The following ATP8B1 variants were observed in gnomAD, a reference collection of about 807,000 sequenced individuals.
ATP8B1 encodes the protein ATPase phospholipid transporting 8B1.
Under a neutral mutation model 149.9 loss-of-function variants are expected in ATP8B1, and 80 were observed. That is an observed-to-expected ratio of 0.53 (90% confidence interval 0.45 to 0.64). The LOEUF (loss-of-function observed/expected upper bound fraction) is 0.64, where lower values mean the gene tolerates loss of function less well. ATP8B1 is among the 30% of genes least tolerant of loss of function. ATP8B1 has a pLI of 0.00. For missense variants in ATP8B1, 1,247 were observed against 1,552.6 expected (o/e 0.80, Z 3.31); for synonymous variants, 536 against 562.8 (o/e 0.95, Z 0.67).
At chr18:57,695,710 T>A (rs1196040428) in intron 8 of ATP8B1, among the ~76,000 whole-genome samples, 178 bp from the exon 9 acceptor site, 1 of 152,192 alleles carries the variant, frequency 6.6e-6, no homozygotes, top group Non-Finnish European at 1.5e-5. Flanking sequence ...TCCCCTGAAG[T>A]CGAGAAAATT....
At position 57,648,430 on chromosome 18, in the gene ATP8B1, G is replaced by T. The variant is rs1444335265; in HGVS notation, c.*58C>A. 1.9e-6 allele frequency: 3 copies of T among 1,562,270 alleles called. No individual in the cohort carries two copies. Among genetic ancestry groups the T allele is most frequent in the Non-Finnish European group, 1.8e-6 (2 of 1,136,246 alleles). ...CACACACACACACAAAGTCCTGAGAGTCTTTCATAAAAAAATAGACGTGCT... is the reference window on the plus strand; with the variant it reads ...CACACACACACACAAAGTCCTGAGATTCTTTCATAAAAAAATAGACGTGCT... On this transcript the variant is annotated 3_prime_UTR_variant, in exon 28 of 28. Coordinates refer to ENST00000648908, the MANE Select transcript of ATP8B1 (RefSeq NM_001374385.1).
Position 57,691,813 on chromosome 18 carries a change from TAG to T in ATP8B1, c.1212_1213del (p.Tyr405CysfsTer24). ...CCAGAGAGGACAGCCTTACCTGACA[TAG>T]AGAGAGATGGGTACCATGGTGTTGA... On this transcript the variant is annotated frameshift_variant, in exon 12 of 28. Transcript: ENST00000648908. LOFTEE classifies it high-confidence loss of function. 6.2e-7 allele frequency: 1 copy of T among 1,614,012 alleles called. No homozygotes were observed. Among genetic ancestry groups the T allele is most frequent in the Non-Finnish European group, 8.5e-7 (1 of 1,179,972 alleles).
chr18:57,786,422 G>A (rs546263517), intron 1 of ATP8B1, among the ~76,000 whole-genome samples: 6 of 152,278 alleles, frequency 3.9e-5, no homozygotes, highest in Non-Finnish European at 7.3e-5. Flanking sequence ...AGTTTTATTA[G>A]GACACTGATT....
intron 1 of ATP8B1, among the ~76,000 whole-genome samples, chr18:57,794,202 T>A (rs911848290): frequency 2.6e-5 from 4 of 152,158 alleles, no homozygotes; most frequent in Non-Finnish European, 4.4e-5. Flanking sequence ...AACACGTAAA[T>A]CCTTATTTGG....
chr18:57,689,581 G>A lies in ATP8B1; in HGVS notation c.1221-1074C>T, dbSNP rs912925221. Among the ~76,000 whole-genome samples the A allele has an allele frequency of 7.2e-5, 11 of 152,130 alleles. No individual in the cohort carries two copies. The South Asian group carries it at 1.2e-3, about 17-fold the overall frequency. On this transcript the variant is annotated intron_variant, in intron 12 of 27. Coordinates refer to ENST00000648908, the MANE Select transcript of ATP8B1 (RefSeq NM_001374385.1). ...TAAGTATTTCCTAAGTGCCTACTAT[G>A]TACCAGATACCATTCTAGGTGCAGG...
intron 1 of ATP8B1, among the ~76,000 whole-genome samples, chr18:57,767,470 A>G (rs1278516440): frequency 2.0e-5 from 3 of 152,114 alleles, no homozygotes; most frequent in Admixed American, 1.3e-4. Flanking sequence ...TTCAACAGCC[A>G]CCTGTGACTA....
At chr18:57,757,489 G>A (rs1263386167) in intron 1 of ATP8B1, among the ~76,000 whole-genome samples, 2 of 151,908 alleles carry the variant, frequency 1.3e-5, no homozygotes, top group African/African-American at 4.8e-5. Flanking sequence ...GATGGATAGA[G>A]CTAAGTAAAA....
Position 57,648,730 on chromosome 18 carries a change from G to A in ATP8B1, c.3532-18C>T. 1 of 1,548,276 alleles carries A rather than the reference G, an allele frequency of 6.5e-7. No homozygotes were observed. The highest frequency in any genetic ancestry group is 8.7e-7 in the Non-Finnish European group (1 of 1,146,086). On this transcript the variant is annotated intron_variant, in intron 27 of 27. Coordinates refer to ENST00000648908, the MANE Select transcript of ATP8B1 (RefSeq NM_001374385.1). ...TTCTGGATCTGCAAGGGGGAGAGAT[G>A]GGGAGGGATGAAAATAAGATCCACA...
intron 1 of ATP8B1, among the ~76,000 whole-genome samples, chr18:57,732,889 G>A (rs1205087542): frequency 6.6e-6 from 1 of 152,130 alleles, no homozygotes; most frequent in African/African-American, 2.4e-5. Context: ...TGCTGGCAAA[G>A]TTGACAAACC....
chr18:57,770,532 G>A (rs2080255264), intron 1 of ATP8B1, among the ~76,000 whole-genome samples: 1 of 152,168 alleles, frequency 6.6e-6, no homozygotes, highest in African/African-American at 2.4e-5. Context: ...CCTGCCTCCA[G>A]CCGGCCCACC....
At chr18:57,676,510 G>C (rs1372387446) in intron 15 of ATP8B1, among the ~76,000 whole-genome samples, 1 of 151,746 alleles carries the variant, frequency 6.6e-6, no homozygotes, top group Non-Finnish European at 1.5e-5. Flanking sequence ...ATGAGGTCAG[G>C]AGATGGAGAC....
chr18:57,802,191 G>T lies in ATP8B1; in HGVS notation c.-26+807C>A, dbSNP rs1168180075. ...GGAGTTGGAGAAGTGGGGGCGAGGG[G>T]TGTTAAAGCACTGGGCCATTCTCTG... On this transcript the variant is annotated intron_variant, in intron 1 of 27. Transcript: ENST00000648908. The surrounding 1 kb of genome is among the most constrained non-coding windows in gnomAD (Gnocchi z 4.9). 1.3e-5 allele frequency among the ~76,000 whole-genome samples: 2 copies of T among 152,078 alleles called. No individual in the cohort carries two copies. The highest frequency in any genetic ancestry group is 4.8e-5 in the African/African-American group (2 of 41,402).
At chr18:57,778,326 C>T (rs2080327364) in intron 1 of ATP8B1, among the ~76,000 whole-genome samples, 1 of 150,956 alleles carries the variant, frequency 6.6e-6, no homozygotes, top group South Asian at 2.1e-4. Flanking sequence ...TCCAGGTTCA[C>T]GCCATTCTCC....
At chr18:57,742,161 C>T (rs1031076786) in intron 1 of ATP8B1, among the ~76,000 whole-genome samples, 27 of 152,170 alleles carry the variant, frequency 1.8e-4, no homozygotes, top group Admixed American at 5.2e-4. Flanking sequence ...TGAGCCACCA[C>T]GCCTGGCCAA....
chr18:57,794,469 A>G (rs1454860148), intron 1 of ATP8B1, among the ~76,000 whole-genome samples: 2 of 150,640 alleles, frequency 1.3e-5, no homozygotes, highest in Admixed American at 1.3e-4. Flanking sequence ...ACATTAAAAA[A>G]AAAAAAAAAA....
intron 2 of ATP8B1, among the ~76,000 whole-genome samples, chr18:57,724,401 C>T (rs2079682716): frequency 7.1e-6 from 1 of 140,264 alleles, no homozygotes. Context: ...AACAAATTTA[C>T]AAGAAAAAAA....
chr18:57,679,875 G>C (rs570205933), intron 15 of ATP8B1, among the ~76,000 whole-genome samples: 1 of 151,990 alleles, frequency 6.6e-6, no homozygotes, highest in Non-Finnish European at 1.5e-5. Context: ...ATATTGGTCA[G>C]GCTGGTCTTG....
intron 1 of ATP8B1, among the ~76,000 whole-genome samples, chr18:57,761,604 C>T (rs1227817634): frequency 2.0e-5 from 3 of 151,938 alleles, no homozygotes; most frequent in African/African-American, 7.2e-5. Flanking sequence ...TGGCTGAGGT[C>T]CTTTCTGGCA....
rs377461740 is a variant in ATP8B1, at chr18:57,684,092, C to T, written c.1574G>A (p.Arg525Gln). ...AACTGCGAGCAAGAAGAAGAACTGTCGTACTTCTGGCTCTTTCCCTGACTG... is the reference window on the plus strand; with the variant it reads ...AACTGCGAGCAAGAAGAAGAACTGTTGTACTTCTGGCTCTTTCCCTGACTG... Reference protein sequence around the residue: ...QIQSGKEPEVRQFFFLLAVCH... With the variant: ...QIQSGKEPEVQQFFFLLAVCH... The change falls in exon 15 of 28, where the codon CGA (arginine) becomes CAA (glutamine). Residue 525 changes from arginine (R) to glutamine (Q), a missense_variant. Arg to Gln is a conservative substitution (Grantham distance 43). Transcript: ENST00000648908. The T allele has an allele frequency of 3.0e-5, 48 of 1,614,058 alleles. No homozygotes were observed. The African/African-American group carries it at 3.2e-4, about 11-fold the overall frequency.
Sources: allele counts gnomAD v4.1 joint callset (sites outside exome capture counted in the v4.1 genomes callset), GRCh38; gene constraint gnomAD v4.1.1; non-coding constraint Gnocchi (gnomAD v3.1); transcripts MANE v1.5; gene names NCBI Gene and HGNC (gene_info 2026-07-23, HGNC 2026-07-21).